Variants in CIART observed in about 807,000 individuals in gnomAD.
CIART encodes circadian associated repressor of transcription, also known as circadian-associated transcriptional repressor.
A neutral mutation model predicts 22.1 loss-of-function variants in CIART; 7 were observed. That is an observed-to-expected ratio of 0.32 (90% CI 0.18 to 0.59). CIART has a LOEUF of 0.59. CIART is among the 20% of genes least tolerant of loss of function. The pLI, the probability that CIART is intolerant of heterozygous loss-of-function variation, is 0.86. For synonymous variants in CIART, 163 were observed against 174.6 expected (o/e 0.93, Z 0.53); for missense variants, 440 against 478.0 (o/e 0.92, Z 0.74).
chr1:150,284,642 G>A lies in CIART; in HGVS notation c.567G>A (p.Lys189=), dbSNP rs1553854271. 1.9e-6 allele frequency: 3 copies of A among 1,614,062 alleles called. No homozygotes were observed. The highest frequency in any genetic ancestry group is 1.7e-6 in the Non-Finnish European group (2 of 1,179,942). The part of the protein sequence containing the change: ...GTLLQVEGML[K]TWFPQIAAQK... ...TGCTACAGGTAGAAGGGATGTTAAA[G>A]ACTTGGTTTCCACAAATAGCTGCCC... Residue 189 remains lysine (K), a synonymous_variant, in exon 4 of 5, where the codon AAG becomes AAA. Coordinates refer to ENST00000290363, the MANE Select transcript of CIART (RefSeq NM_144697.4).
intron 4 of CIART, among the ~76,000 whole-genome samples, 167 bp from the exon 5 acceptor site, chr1:150,286,263 A>G (rs587687569): frequency 6.6e-6 from 1 of 152,280 alleles, no homozygotes; most frequent in East Asian, 1.9e-4. Flanking sequence ...TAGTTACCAA[A>G]ACTTTTACTT....
In CIART at chr1:150,287,055, T is replaced by C; in HGVS notation, c.*101T>C. On this transcript the variant is annotated 3_prime_UTR_variant, in exon 5 of 5. Transcript: ENST00000290363. ...TGTGTGCATTTGTGTTGAGGGAAGA[T>C]AAATCCTTTCTGATTAAAGAAATTT... 1.7e-6 allele frequency: 2 copies of C among 1,196,530 alleles called. No individual in the cohort carries two copies. Among genetic ancestry groups the C allele is most frequent in the Non-Finnish European group, 2.2e-6 (2 of 900,074 alleles). 74.1% of individuals were successfully genotyped at this position (1,196,530 alleles called of 1,614,324 possible). A position where few individuals can be genotyped will look rare whatever the true frequency, so the allele number is the denominator to read the frequency against.
chr1:150,283,819 A>G lies in CIART; in HGVS notation c.381A>G (p.Gln127=), dbSNP rs1553854079. Residue 127 remains glutamine, a synonymous_variant, in exon 2 of 5, where the codon CAA becomes CAG. Transcript: ENST00000290363. ...LLFAQKCKEL[Q]GFIPPLTDLL... ...TTTTCCTACAGTGTAAAGAACTCCA[A>G]GGATTTATACCTCCTCTCACAGACC... 8 of 1,595,202 alleles carry G rather than the reference A, an allele frequency of 5.0e-6. No homozygotes were observed. Among genetic ancestry groups the G allele is most frequent in the Non-Finnish European group, 6.9e-6 (8 of 1,162,982 alleles).
chr1:150,286,355 G>A (rs1653481612), intron 4 of CIART, 75 bp from the exon 5 acceptor site: 2 of 1,354,436 alleles, frequency 1.5e-6, no homozygotes, highest in Non-Finnish European at 2.1e-6. Context: ...GGAATGCAAA[G>A]GTTTAAGTAA....
chr1:150,287,027 T>A lies in CIART; in HGVS notation c.*73T>A, dbSNP rs1653541607. On this transcript the variant is annotated 3_prime_UTR_variant, in exon 5 of 5. Coordinates refer to ENST00000290363, the MANE Select transcript of CIART (RefSeq NM_144697.4). ...TTATGTATATATGTATTTTTACTATTAATGTGTGCATTTGTGTTGAGGGAA... is the reference window on the plus strand; with the variant it reads ...TTATGTATATATGTATTTTTACTATAAATGTGTGCATTTGTGTTGAGGGAA... 9.7e-6 allele frequency: 13 copies of A among 1,344,388 alleles called. No homozygotes were observed. The South Asian group carries it at 1.6e-4, about 17-fold the overall frequency. The allele number at this position is 1,344,388 out of a possible 1,614,324, so 83.3% of individuals were successfully genotyped here.
At chr1:150,285,730 C>T (rs760059940) in intron 4 of CIART, among the ~76,000 whole-genome samples, 2 of 152,054 alleles carry the variant, frequency 1.3e-5, no homozygotes, top group African/African-American at 4.8e-5. Context: ...AATCTTAGCA[C>T]TTTGGGAGGC....
rs116854758 is a variant in CIART at position 150,284,644 on chromosome 1, C to T, written c.569C>T (p.Thr190Ile). The change falls in exon 4 of 5, where the codon ACT (threonine) becomes ATT (isoleucine). Residue 190 changes from threonine to isoleucine, a missense_variant. Coordinates refer to ENST00000290363, the MANE Select transcript of CIART (RefSeq NM_144697.4). The stretch of plus-strand genomic sequence containing the variant: ...CTACAGGTAGAAGGGATGTTAAAGA[C>T]TTGGTTTCCACAAATAGCTGCCCAG... ...TLLQVEGMLK[T>I]WFPQIAAQKS... 1,474 of 1,614,026 alleles carry T rather than the reference C, an allele frequency of 9.1e-4. 27 individuals carry two copies. In the East Asian group the frequency reaches 0.031, roughly 34 times the overall value.
intron 1 of CIART, 70 bp downstream of exon 1, chr1:150,283,703 G>T: frequency 6.4e-7 from 1 of 1,573,290 alleles, no homozygotes; most frequent in Non-Finnish European, 8.7e-7. Flanking sequence ...TAAGGACCCT[G>T]TGAGGACAGT....
chr1:150,284,767 A>C, intron 4 of CIART, 59 bp downstream of exon 4: 1 of 1,273,786 alleles, frequency 7.9e-7, no homozygotes, highest in Non-Finnish European at 1.1e-6. Flanking sequence ...TGAAATGTGC[A>C]TGCAGAAATG....
chr1:150,285,169 G>A, intron 4 of CIART: 1 of 182,724 alleles, frequency 5.5e-6, no homozygotes, highest in Non-Finnish European at 1.1e-5. Context: ...GGTCATAAGA[G>A]GTACCTCACT....
chr1:150,284,560 C>T, intron 3 of CIART, 37 bp from the exon 4 acceptor site: 2 of 1,595,500 alleles, frequency 1.3e-6, no homozygotes, highest in South Asian at 1.1e-5. Context: ...TTCTCCAATC[C>T]TGTTGCTGGT....
At position 150,283,149 on chromosome 1, in the gene CIART, C is replaced by T; in HGVS notation, c.-119C>T. 1 of 1,106,006 alleles carries T rather than the reference C, an allele frequency of 9.0e-7. No individual in the cohort carries two copies. The highest frequency in any genetic ancestry group is 1.3e-6 in the Non-Finnish European group (1 of 793,940). The allele number at this position is 1,106,006 out of a possible 1,614,324, so 68.5% of individuals were successfully genotyped here. A position where few individuals can be genotyped will look rare whatever the true frequency, so the allele number is the denominator to read the frequency against. On this transcript the variant is annotated 5_prime_UTR_variant, in exon 1 of 5. Transcript: ENST00000290363. Reference sequence around the variant, plus strand: ...TATCCCACGCAGTACACCCCAATCTCCCAGTTCATTTCCTAATCCTTAAAC... The same window carrying T: ...TATCCCACGCAGTACACCCCAATCTTCCAGTTCATTTCCTAATCCTTAAAC...
Position 150,286,502 on chromosome 1 carries a change from C to T in CIART, c.706C>T (p.Gln236Ter), listed in dbSNP as rs1653491667. ...TCCTATGGAAAAGATGGACCAGACACAGCTAGGACATCTAGCTTTAAAACC... is the reference window on the plus strand; with the variant it reads ...TCCTATGGAAAAGATGGACCAGACATAGCTAGGACATCTAGCTTTAAAACC... ...ASPMEKMDQT[Q>*]LGHLALKPKQ... Residue 236 changes from glutamine (Q) to a stop codon, truncating the protein, a stop_gained, in exon 5 of 5, where the codon CAG becomes TAG. Coordinates refer to ENST00000290363, the MANE Select transcript of CIART (RefSeq NM_144697.4). LOFTEE classifies it low-confidence loss of function (END_TRUNC). The T allele has an allele frequency of 6.3e-7, 1 of 1,583,630 alleles. No individual in the cohort carries two copies. Among genetic ancestry groups the T allele is most frequent in the African/African-American group, 1.3e-5 (1 of 74,222 alleles).
chr1:150,283,443 C>T lies in CIART; in HGVS notation c.176C>T (p.Pro59Leu), dbSNP rs782590087. The T allele has an allele frequency of 9.9e-6, 16 of 1,614,204 alleles. No individual in the cohort carries two copies. Among genetic ancestry groups the T allele is most frequent in the South Asian group, 2.2e-5 (2 of 91,080 alleles). ...CAGAGGGGAGGTTCACGGCCCAGCC[C>T]GGGTCCTATCCGCTGCAGGCATCGA... Reference protein sequence around the residue: ...VGQRGGSRPSPGPIRCRHRSK... With the variant: ...VGQRGGSRPSLGPIRCRHRSK... The change falls in exon 1 of 5, where the codon CCG becomes CTG. Residue 59 changes from proline (P) to leucine (L), a missense_variant. By Grantham distance (98) the Pro-to-Leu change is moderately conservative. Transcript: ENST00000290363.
In CIART at chr1:150,284,654, A is replaced by G. The variant is rs1056919261; in HGVS notation, c.579A>G (p.Pro193=). 3.3e-5 allele frequency: 54 copies of G among 1,614,012 alleles called. No homozygotes were observed. In the Admixed American group the frequency reaches 8.8e-4, roughly 26 times the overall value. Residue 193 remains proline (P), a synonymous_variant, in exon 4 of 5, where the codon CCA becomes CCG. Coordinates refer to ENST00000290363, the MANE Select transcript of CIART (RefSeq NM_144697.4). ...QVEGMLKTWF[P]QIAAQKSSLG... is the part of the protein sequence containing the mutation. ...AAGGGATGTTAAAGACTTGGTTTCC[A>G]CAAATAGCTGCCCAGAAGTCATCAT...
In CIART at chr1:150,282,588, A is replaced by G. The variant is rs1560049851; in HGVS notation, c.-680A>G. 1 of 152,150 alleles carries G rather than the reference A, an allele frequency of 6.6e-6. No individual in the cohort carries two copies. The highest frequency in any genetic ancestry group is 1.5e-5 in the Non-Finnish European group (1 of 68,118). 9.4% of individuals were successfully genotyped at this position (152,150 alleles called of 1,614,324 possible). On this transcript the variant is annotated 5_prime_UTR_variant, in exon 1 of 5. Transcript: ENST00000290363. ...CGGAGAGACGGCGAAGGAGCTGGAA[A>G]CCGAGCCAGGGCTGAGCCGGCTGAC...
In CIART at chr1:150,284,599, A is replaced by C; in HGVS notation, c.524A>C (p.Glu175Ala). Reference sequence around the variant, plus strand: ...TTAAAGCAACGTCATTTTCACAGGGAACGTTACCTAGGAACCTTGCTACAG... The same window carrying C: ...TTAAAGCAACGTCATTTTCACAGGGCACGTTACCTAGGAACCTTGCTACAG... The part of the protein sequence containing the change: ...VGVLQKPQMG[E>A]RYLGTLLQVE... The change falls in exon 4 of 5, where the codon GAA becomes GCA. Residue 175 changes from glutamate (E) to alanine (A), a missense_variant and splice_region_variant. Transcript: ENST00000290363. 1 of 1,611,046 alleles carries C rather than the reference A, an allele frequency of 6.2e-7. No homozygotes were observed. The highest frequency in any genetic ancestry group is 8.5e-7 in the Non-Finnish European group (1 of 1,177,258).
At chr1:150,285,013 C>A in intron 4 of CIART, 1 of 364,210 alleles carries the variant, frequency 2.7e-6, no homozygotes, top group Non-Finnish European at 5.0e-6. Flanking sequence ...ATGATTCATG[C>A]GGGAATACAC....
chr1:150,283,332 C>G lies in CIART; in HGVS notation c.65C>G (p.Ser22Cys). 6.4e-7 allele frequency: 1 copy of G among 1,559,120 alleles called. No homozygotes were observed. The highest frequency in any genetic ancestry group is 8.7e-7 in the Non-Finnish European group (1 of 1,154,646). ...SYSLSSSFPT[S>C]PVNSDFGFPS... ...TCTCTCTCTTCGTCTTTTCCCACCTCCCCAGTGAACAGTGACTTTGGCTTC... is the reference window on the plus strand; with the variant it reads ...TCTCTCTCTTCGTCTTTTCCCACCTGCCCAGTGAACAGTGACTTTGGCTTC... Residue 22 changes from serine to cysteine, a missense_variant, in exon 1 of 5, where the codon TCC (serine) becomes TGC (cysteine). By Grantham distance (112) the Ser-to-Cys change is moderately radical (BLOSUM62 -1). Transcript: ENST00000290363.
Sources: gnomAD v4.1 joint callset for allele counts (sites outside exome capture counted in the v4.1 genomes callset) on GRCh38, gnomAD v4.1.1 for gene constraint, MANE v1.5 for transcripts, NCBI Gene and HGNC (gene_info 2026-07-23, HGNC 2026-07-21) for gene names.